FRMD6: variants seen among roughly 807,000 people sequenced by gnomAD.
FRMD6 encodes the protein FERM domain containing 6.
Under a neutral mutation model 73.2 loss-of-function variants are expected in FRMD6, and 37 were observed. The observed-to-expected ratio is 0.51, with a 90% CI of 0.39 to 0.66. The LOEUF is 0.66. FRMD6 is among the 30% of genes least tolerant of loss of function. The pLI is 0.00. For missense variants in FRMD6, 714 were observed against 780.5 expected, an observed-to-expected ratio of 0.91 and a Z score of 1.02; for synonymous variants, 273 against 282.2, an observed-to-expected ratio of 0.97 and a Z score of 0.33.
the FRMD6 span, among the ~76,000 whole-genome samples, chr14:51,437,445 G>GGT: frequency 2.0e-5 from 3 of 152,280 alleles, no homozygotes; most frequent in Admixed American, 2.0e-4. Flanking sequence ...TGGGACTACA[G>GGT]GCAAGCACCA....
At chr14:51,607,481 A>C (rs1426953959) in intron 2 of FRMD6, among the ~76,000 whole-genome samples, 2 of 152,184 alleles carry the variant, frequency 1.3e-5, no homozygotes, top group Non-Finnish European at 2.9e-5. Flanking sequence ...GACTAGGTTC[A>C]AGTTTCTCAA....
At chr14:51,530,519 C>T (rs1566795982) in intron 1 of FRMD6, among the ~76,000 whole-genome samples, 2 of 152,180 alleles carry the variant, frequency 1.3e-5, no homozygotes, top group African/African-American at 2.4e-5. Context: ...CTTACTCTGT[C>T]ACCCAGGCTG....
chr14:51,632,623 C>T (rs1356663725), intron 2 of FRMD6, among the ~76,000 whole-genome samples: 1 of 152,196 alleles, frequency 6.6e-6, no homozygotes, highest in African/African-American at 2.4e-5. Flanking sequence ...TCACCCCTCT[C>T]CATCTCACAC....
At chr14:51,410,973 T>C in the FRMD6 span, among the ~76,000 whole-genome samples, 4 of 152,232 alleles carry the variant, frequency 2.6e-5, no homozygotes, top group Admixed American at 1.3e-4. Context: ...TCTTTGTTTA[T>C]TCATTTAACA....
the FRMD6 span, among the ~76,000 whole-genome samples, chr14:51,419,943 G>A: frequency 6.6e-6 from 1 of 152,060 alleles, no homozygotes. Context: ...GCCCTCGTTA[G>A]GTGTGGTCAT....
At chr14:51,676,013 C>A (rs544393749) in intron 1 of FRMD6, among the ~76,000 whole-genome samples, 2 of 151,916 alleles carry the variant, frequency 1.3e-5, no homozygotes, top group Admixed American at 6.6e-5. Context: ...TATTTTAGCA[C>A]GTTTCTTAAC....
intron 2 of FRMD6, among the ~76,000 whole-genome samples, chr14:51,638,266 A>C (rs957509656): frequency 2.0e-5 from 3 of 152,146 alleles, no homozygotes; most frequent in Admixed American, 6.5e-5. Flanking sequence ...TGGATGACAG[A>C]GCAAGACCTT....
At chr14:51,686,627 C>CGAAAAA (rs1404380023) in intron 1 of FRMD6, among the ~76,000 whole-genome samples, 228 of 151,526 alleles carry the variant, frequency 1.5e-3, no homozygotes, top group Admixed American at 3.0e-3. Flanking sequence ...TTTTTGTTCC[C>CGAAAAA]TGGAAAATAT....
At chr14:51,687,952 A>G (rs1359658512) in intron 1 of FRMD6, among the ~76,000 whole-genome samples, 1 of 152,144 alleles carries the variant, frequency 6.6e-6, no homozygotes, top group Admixed American at 6.5e-5. Flanking sequence ...CTGTTGCTAC[A>G]CATCAGAAAT....
At chr14:51,408,428 A>G in the FRMD6 span, among the ~76,000 whole-genome samples, 1 of 152,090 alleles carries the variant, frequency 6.6e-6, no homozygotes, top group Non-Finnish European at 1.5e-5. Flanking sequence ...ACCATAGTCT[A>G]TATTACATAA....
At chr14:51,623,129 T>A (rs1318119845) in intron 2 of FRMD6, among the ~76,000 whole-genome samples, 1 of 152,180 alleles carries the variant, frequency 6.6e-6, no homozygotes, top group Non-Finnish European at 1.5e-5. Context: ...ATAAGAGATC[T>A]AATTTTAGAA....
intron 2 of FRMD6, among the ~76,000 whole-genome samples, chr14:51,628,076 T>C (rs1169214681): frequency 6.6e-6 from 1 of 152,238 alleles, no homozygotes; most frequent in African/African-American, 2.4e-5. Context: ...AGTCTACATG[T>C]TCAGTATAGA....
At chr14:51,425,292 G>A in the FRMD6 span, among the ~76,000 whole-genome samples, 4 of 151,978 alleles carry the variant, frequency 2.6e-5, no homozygotes, top group African/African-American at 4.8e-5. Context: ...CCACCACCTC[G>A]GTTCACAAGC....
At chr14:51,702,923 CTA>C (rs1175583138) in intron 5 of FRMD6, among the ~76,000 whole-genome samples, 3 of 151,998 alleles carry the variant, frequency 2.0e-5, no homozygotes, top group Non-Finnish European at 2.9e-5. Flanking sequence ...CAAGAAGAAA[CTA>C]GCACTTTTGT....
intron 11 of FRMD6, among the ~76,000 whole-genome samples, chr14:51,721,716 AAGGG>A (rs1224878526): frequency 3.5e-5 from 4 of 114,894 alleles, no homozygotes; most frequent in African/African-American, 9.7e-5. Context: ...GGAAGGAAGG[AAGGG>A]AGGGAGGAAG....
chr14:51,441,228 C>A, the FRMD6 span, among the ~76,000 whole-genome samples: 1 of 152,238 alleles, frequency 6.6e-6, no homozygotes, highest in Non-Finnish European at 1.5e-5. Flanking sequence ...GGCAGCCTTG[C>A]CAAATGCTCC....
intron 1 of FRMD6, among the ~76,000 whole-genome samples, chr14:51,558,457 G>A (rs1376214433): frequency 1.4e-5 from 2 of 147,168 alleles, no homozygotes; most frequent in African/African-American, 5.1e-5. Flanking sequence ...GGCAGAGCAA[G>A]ACTGTCTCAA....
At chr14:51,430,525 A>G in the FRMD6 span, among the ~76,000 whole-genome samples, 2 of 151,974 alleles carry the variant, frequency 1.3e-5, no homozygotes, top group African/African-American at 2.4e-5. Flanking sequence ...AAGTTTAGGC[A>G]TAATCTGGGG....
At chr14:51,703,505 GT>G (rs1896448897) in intron 5 of FRMD6, among the ~76,000 whole-genome samples, 2 of 152,002 alleles carry the variant, frequency 1.3e-5, no homozygotes, top group South Asian at 2.1e-4. Flanking sequence ...CACTTTATTA[GT>G]TATCCTTAGT....
Sources: allele counts gnomAD v4.1 joint callset (sites outside exome capture counted in the v4.1 genomes callset), GRCh38; gene constraint gnomAD v4.1.1; transcripts MANE v1.5; gene names NCBI Gene and HGNC (gene_info 2026-07-23, HGNC 2026-07-21).